SHOC2: variants seen among roughly 807,000 people sequenced by gnomAD.
SHOC2 encodes SHOC2 leucine rich repeat scaffold protein.
A neutral mutation model predicts 50.2 loss-of-function variants in SHOC2; 4 were observed. That is an observed-to-expected ratio of 0.08 (90% confidence interval 0.04 to 0.18). The LOEUF (loss-of-function observed/expected upper bound fraction) is 0.18, where lower values mean the gene tolerates loss of function less well. Among genes scored for constraint, SHOC2 ranks in the 10% least tolerant of loss-of-function variants. The probability of loss-of-function intolerance (pLI) is 1.00; values close to 1 mark genes in which losing one functional copy is unlikely to be tolerated. For missense variants in SHOC2, 388 were observed against 669.6 expected (o/e 0.58, Z 4.64); for synonymous variants, 218 against 244.5 (o/e 0.89, Z 1.01).
chr10:111,009,909 C>G (rs892271473), intron 8 of SHOC2, 79 bp downstream of exon 8: 14 of 840,010 alleles, frequency 1.7e-5, no homozygotes, highest in Middle Eastern at 2.2e-4. Context: ...ATAAATATGA[C>G]AAATCTATTG....
intron 7 of SHOC2, 28 bp downstream of exon 7, chr10:111,009,413 T>G: frequency 2.5e-6 from 4 of 1,583,244 alleles, no homozygotes; most frequent in Non-Finnish European, 3.5e-6. Flanking sequence ...TTTGTAGTTT[T>G]ATAAAGTTTT....
chr10:111,000,280 T>C (rs1256050296), intron 3 of SHOC2, 135 bp from the exon 4 acceptor site: 3 of 768,242 alleles, frequency 3.9e-6, no homozygotes, highest in Non-Finnish European at 6.5e-6. Flanking sequence ...TGTGAGTTCC[T>C]TGTGCTAGAA....
At chr10:110,965,828 A>G (rs1043422222) in intron 2 of SHOC2, among the ~76,000 whole-genome samples, 2 of 152,176 alleles carry the variant, frequency 1.3e-5, no homozygotes, top group African/African-American at 2.4e-5. Context: ...TTAATTATGG[A>G]AAAACATTCT....
chr10:110,945,624 T>C (rs183760464), intron 1 of SHOC2, among the ~76,000 whole-genome samples: 1 of 152,150 alleles, frequency 6.6e-6, no homozygotes, highest in Non-Finnish European at 1.5e-5. Flanking sequence ...TCGCCTCCAC[T>C]TGGGCTTTGC....
chr10:110,972,878 T>G (rs1364895486), intron 2 of SHOC2, among the ~76,000 whole-genome samples: 2 of 152,096 alleles, frequency 1.3e-5, no homozygotes, highest in Admixed American at 1.3e-4. Context: ...TTGAACTGTT[T>G]TAGAAGGACT....
chr10:110,980,458 G>A (rs1366269460), intron 2 of SHOC2, among the ~76,000 whole-genome samples: 2 of 152,110 alleles, frequency 1.3e-5, no homozygotes, highest in Non-Finnish European at 2.9e-5. Context: ...TAGTAGGCCT[G>A]TTGTTCACTC....
chr10:110,986,353 A>G (rs1007934508), intron 3 of SHOC2, among the ~76,000 whole-genome samples: 1 of 152,250 alleles, frequency 6.6e-6, no homozygotes, highest in Admixed American at 6.5e-5. Flanking sequence ...TGAATTTTAA[A>G]AATTCTGATG....
chr10:111,008,073 T>C (rs148069421), intron 6 of SHOC2, among the ~76,000 whole-genome samples: 1 of 150,492 alleles, frequency 6.6e-6, no homozygotes, highest in East Asian at 1.9e-4. Context: ...ACTCATTGAT[T>C]ATTGTCTTTG....
rs114766116 is a variant in SHOC2 at position 111,004,016 on chromosome 10, G to T, written c.973-590G>T. Among the ~76,000 whole-genome samples, 723 of 152,288 alleles carry T rather than the reference G, an allele frequency of 4.7e-3. 6 individuals carry two copies. Among genetic ancestry groups the T allele is most frequent in the African/African-American group, 0.016 (685 of 41,552 alleles). ...GGGGTTATGTGCTAAGTAAATACTT[G>T]TTTAATGGGTACATATATGCCCTCA... On this transcript the variant is annotated intron_variant, in intron 4 of 8. Coordinates refer to ENST00000369452, the MANE Select transcript of SHOC2 (RefSeq NM_007373.4).
intron 1 of SHOC2, among the ~76,000 whole-genome samples, chr10:110,953,186 G>T (rs1847391202): frequency 6.6e-6 from 1 of 152,200 alleles, no homozygotes; most frequent in South Asian, 2.1e-4. Context: ...CCCACCAGCA[G>T]TTTAAACGTG....
intron 2 of SHOC2, among the ~76,000 whole-genome samples, chr10:110,984,503 T>A (rs1848042190): frequency 6.6e-6 from 1 of 152,180 alleles, no homozygotes; most frequent in Admixed American, 6.5e-5. Flanking sequence ...TTTTAAATTT[T>A]GATAAAATCT....
intron 2 of SHOC2, among the ~76,000 whole-genome samples, chr10:110,968,829 T>C (rs1847725137): frequency 2.6e-5 from 4 of 152,072 alleles, no homozygotes; most frequent in Admixed American, 2.6e-4. Flanking sequence ...TTTTTAAAAT[T>C]AGGAGTTTTC....
rs757107414 is a variant in SHOC2 at position 110,964,903 on chromosome 10, G to A, written c.545G>A (p.Arg182Lys). Residue 182 changes from arginine (R) to lysine (K), a missense_variant, in exon 2 of 9, where the codon AGA becomes AAA. Arg to Lys is a conservative substitution (Grantham distance 26). This residue lies in a region of SHOC2 where 88 missense variants were observed against 147.2 expected (regional missense o/e 0.60). Transcript: ENST00000369452. The surrounding 1 kb of genome is among the most constrained non-coding windows in gnomAD (Gnocchi z 4.9). ...RMLDLRHNKL[R>K]EIPSVVYRLD... ...CTTGATTTACGGCATAATAAACTGA[G>A]AGAAATTCCTTCAGTGGTGTATAGG... The A allele has an allele frequency of 6.2e-7, 1 of 1,613,914 alleles. No individual in the cohort carries two copies. The highest frequency in any genetic ancestry group is 1.1e-5 in the South Asian group (1 of 91,078).
At chr10:110,934,302 T>A (rs1388618466) in intron 1 of SHOC2, among the ~76,000 whole-genome samples, 1 of 152,078 alleles carries the variant, frequency 6.6e-6, no homozygotes, top group Non-Finnish European at 1.5e-5. Context: ...TTAAAAAATG[T>A]AAAGGAAAAT....
rs1368377995 is a variant in SHOC2 at position 111,012,030 on chromosome 10, G to A, written c.*212G>A. The A allele has an allele frequency of 1.8e-6, 1 of 562,856 alleles. No individual in the cohort carries two copies. The highest frequency in any genetic ancestry group is 1.9e-5 in the African/African-American group (1 of 52,990). The allele number at this position is 562,856 out of a possible 1,614,324, so 34.9% of individuals were successfully genotyped here. ...ATAAGTTTTCTTTGCTGAATTTGATGGATGTTTTTCTGTTGTGTAATCTGA... is the reference window on the plus strand; with the variant it reads ...ATAAGTTTTCTTTGCTGAATTTGATAGATGTTTTTCTGTTGTGTAATCTGA... On this transcript the variant is annotated 3_prime_UTR_variant, in exon 9 of 9. Coordinates refer to ENST00000369452, the MANE Select transcript of SHOC2 (RefSeq NM_007373.4).
intron 3 of SHOC2, among the ~76,000 whole-genome samples, chr10:110,986,610 A>C (rs536890676): frequency 6.6e-6 from 1 of 152,122 alleles, no homozygotes; most frequent in South Asian, 2.1e-4. Context: ...AGTAGCTGGG[A>C]CTACAGGCGT....
chr10:110,974,347 T>G (rs1170828705), intron 2 of SHOC2, among the ~76,000 whole-genome samples: 1 of 152,120 alleles, frequency 6.6e-6, no homozygotes, highest in Non-Finnish European at 1.5e-5. Context: ...ATAGGGCTTG[T>G]CTTGATAAGT....
chr10:110,995,201 G>A (rs1590827141), intron 3 of SHOC2, among the ~76,000 whole-genome samples: 1 of 152,194 alleles, frequency 6.6e-6, no homozygotes, highest in East Asian at 1.9e-4. Context: ...AACCAATTCT[G>A]TGGAGAGAAG....
At chr10:110,958,142 T>G (rs1348346500) in intron 1 of SHOC2, among the ~76,000 whole-genome samples, 2 of 152,204 alleles carry the variant, frequency 1.3e-5, no homozygotes, top group Admixed American at 6.5e-5. Context: ...TGGCTGCTGC[T>G]TTGACAATAC....
Sources: allele counts gnomAD v4.1 joint callset (sites outside exome capture counted in the v4.1 genomes callset), GRCh38; gene constraint gnomAD v4.1.1; regional missense constraint gnomAD v4.1.1; non-coding constraint Gnocchi (gnomAD v3.1); transcripts MANE v1.5; gene names NCBI Gene and HGNC (gene_info 2026-07-23, HGNC 2026-07-21).